Variants in TBC1D19 observed in about 807,000 individuals in gnomAD.
The protein encoded by TBC1D19 is TBC1 domain family member 19, also known as TBC1 domain family, member 19.
A neutral mutation model predicts 89.0 loss-of-function variants in TBC1D19; 60 were observed. That is an observed-to-expected ratio of 0.67 (90% CI 0.55 to 0.84). The LOEUF (loss-of-function observed/expected upper bound fraction) is 0.84. Ranked by LOEUF, TBC1D19 falls within the 40% of genes least tolerant of loss-of-function variation. The probability of loss-of-function intolerance (pLI) is 0.00; values close to 1 mark genes in which losing one functional copy is unlikely to be tolerated. For synonymous variants in TBC1D19, 189 were observed against 199.7 expected (o/e 0.95, Z 0.45); for missense variants, 500 against 610.8 (o/e 0.82, Z 1.91).
chr4:26,775,994 G>GT, the TBC1D19 span, among the ~76,000 whole-genome samples: 11 of 151,890 alleles, frequency 7.2e-5, no homozygotes, highest in Admixed American at 1.3e-4. Flanking sequence ...AAGGAGTAAA[G>GT]TTTTTTTTGT....
chr4:26,760,365 C>A (rs552507946), downstream of TBC1D19, among the ~76,000 whole-genome samples: 39 of 152,208 alleles, frequency 2.6e-4, no homozygotes, highest in African/African-American at 9.4e-4. Context: ...GAGTTCAACA[C>A]CAGCTTGGGC....
chr4:26,640,134 A>G lies in TBC1D19; in HGVS notation c.434-7A>G. 1 of 1,600,998 alleles carries G rather than the reference A, an allele frequency of 6.2e-7. No individual in the cohort carries two copies. Among genetic ancestry groups the G allele is most frequent in the Non-Finnish European group, 8.5e-7 (1 of 1,170,654 alleles). ...TGAAATTTTGTTTATAATCTATCTT[A>G]TTCTAGATTTAAGCCTTTTCAGACC... On this transcript the variant is annotated splice_polypyrimidine_tract_variant and splice_region_variant and intron_variant, in intron 6 of 20. Coordinates refer to ENST00000264866, the MANE Select transcript of TBC1D19 (RefSeq NM_018317.4).
the TBC1D19 span, among the ~76,000 whole-genome samples, chr4:26,780,947 G>C: frequency 2.0e-5 from 3 of 152,176 alleles, no homozygotes; most frequent in African/African-American, 7.2e-5. Context: ...CAGGCCCTCC[G>C]GCAGCCTTAA....
the TBC1D19 span, among the ~76,000 whole-genome samples, chr4:26,805,412 C>G: frequency 6.6e-6 from 1 of 152,156 alleles, no homozygotes; most frequent in Non-Finnish European, 1.5e-5. Context: ...CGTCCTCATC[C>G]GGATTCAGTC....
At chr4:26,627,130 A>G (rs1742467907) in intron 4 of TBC1D19, among the ~76,000 whole-genome samples, 1 of 151,818 alleles carries the variant, frequency 6.6e-6, no homozygotes, top group East Asian at 1.9e-4. Context: ...ATGAGTGAGA[A>G]CATGCGGTGT....
At chr4:26,795,689 A>G in the TBC1D19 span, among the ~76,000 whole-genome samples, 17 of 152,284 alleles carry the variant, frequency 1.1e-4, no homozygotes, top group African/African-American at 3.6e-4. Context: ...CAAAATTCAG[A>G]TATAAGTTTG....
At chr4:26,834,019 C>G in the TBC1D19 span, among the ~76,000 whole-genome samples, 1 of 152,122 alleles carries the variant, frequency 6.6e-6, no homozygotes, top group African/African-American at 2.4e-5. Flanking sequence ...GCAGAGTTAC[C>G]CCTGTTGTTC....
At chr4:26,746,199 G>A (rs1052613208) in intron 18 of TBC1D19, among the ~76,000 whole-genome samples, 1 of 149,650 alleles carries the variant, frequency 6.7e-6, no homozygotes, top group African/African-American at 2.4e-5. Context: ...GAAAAATAAG[G>A]TTTGTTATTT....
chr4:26,609,183 A>T (rs1741205040), intron 1 of TBC1D19, among the ~76,000 whole-genome samples: 1 of 151,742 alleles, frequency 6.6e-6, no homozygotes, highest in Non-Finnish European at 1.5e-5. Flanking sequence ...CATTGTGCAC[A>T]TGTACCCTAA....
the TBC1D19 span, among the ~76,000 whole-genome samples, chr4:26,824,031 C>T: frequency 2.0e-5 from 3 of 152,166 alleles, no homozygotes; most frequent in African/African-American, 7.2e-5. Context: ...TTGATTGGAT[C>T]AGGGATGGGT....
At chr4:26,651,982 TG>T (rs1744423098) in intron 7 of TBC1D19, among the ~76,000 whole-genome samples, 1 of 152,200 alleles carries the variant, frequency 6.6e-6, no homozygotes, top group Non-Finnish European at 1.5e-5. Context: ...CTGTGGTTTT[TG>T]TCATTGGTTC....
chr4:26,659,371 A>T (rs1030452252), intron 7 of TBC1D19, among the ~76,000 whole-genome samples: 5 of 152,144 alleles, frequency 3.3e-5, no homozygotes, highest in Admixed American at 1.3e-4. Flanking sequence ...TTTGTATTGT[A>T]GATCATTCAT....
At chr4:26,658,613 A>T (rs1375279114) in intron 7 of TBC1D19, among the ~76,000 whole-genome samples, 2 of 152,132 alleles carry the variant, frequency 1.3e-5, no homozygotes, top group African/African-American at 4.8e-5. Flanking sequence ...GTTTTTTCCG[A>T]TTCTGTGAAG....
intron 15 of TBC1D19, among the ~76,000 whole-genome samples, chr4:26,721,395 CATCTA>C (rs1716966039): frequency 6.6e-6 from 1 of 152,050 alleles, no homozygotes; most frequent in Non-Finnish European, 1.5e-5. Flanking sequence ...GTCCCCAACT[CATCTA>C]ATAAGTCGCG....
chr4:26,611,082 C>T (rs1248896519), intron 1 of TBC1D19, among the ~76,000 whole-genome samples: 1 of 152,048 alleles, frequency 6.6e-6, no homozygotes, highest in East Asian at 1.9e-4. Flanking sequence ...ATAAACGTTC[C>T]CTTTTCTCTA....
At chr4:26,702,755 T>G (rs1280355940) in intron 13 of TBC1D19, among the ~76,000 whole-genome samples, 1 of 152,186 alleles carries the variant, frequency 6.6e-6, no homozygotes, top group Non-Finnish European at 1.5e-5. Flanking sequence ...CCTTTTTAAG[T>G]GTACAGTATA....
At chr4:26,627,899 C>T (rs2110052331) in intron 4 of TBC1D19, among the ~76,000 whole-genome samples, 1 of 152,152 alleles carries the variant, frequency 6.6e-6, no homozygotes, top group Admixed American at 6.5e-5. Flanking sequence ...AATTAGATCC[C>T]ATTTGTCAAT....
the TBC1D19 span, among the ~76,000 whole-genome samples, chr4:26,824,425 T>A: frequency 6.6e-6 from 1 of 152,228 alleles, no homozygotes; most frequent in African/African-American, 2.4e-5. Flanking sequence ...AATATTCTTA[T>A]TTTCTACTAG....
chr4:26,856,335 A>C, the TBC1D19 span, among the ~76,000 whole-genome samples: 3 of 152,108 alleles, frequency 2.0e-5, no homozygotes, highest in African/African-American at 7.2e-5. Context: ...ATAGTATTCC[A>C]CTGTGTGTAT....
Sources: allele counts gnomAD v4.1 joint callset (sites outside exome capture counted in the v4.1 genomes callset), GRCh38; gene constraint gnomAD v4.1.1; transcripts MANE v1.5; gene names NCBI Gene and HGNC (gene_info 2026-07-23, HGNC 2026-07-21).